Variants in NAV2 observed in about 807,000 individuals in gnomAD.
The protein encoded by NAV2 is neuron navigator 2.
NAV2 carries 54 observed loss-of-function variants against 223.2 expected under a neutral mutation model. The ratio of observed to expected loss-of-function variants is 0.24; its 90% CI spans 0.19 to 0.30. NAV2 has a LOEUF of 0.30. NAV2 is among the 10% of genes least tolerant of loss of function. The pLI is 1.00. For synonymous variants in NAV2, 1,279 were observed against 1,239.3 expected (o/e 1.03, Z -0.67); for missense variants, 2,806 against 3,147.5 (o/e 0.89, Z 2.60).
rs142050180 is a variant in NAV2 at position 19,869,035 on chromosome 11, C to G, written c.511+38C>G. The G allele has an allele frequency of 1.5e-4, 235 of 1,578,572 alleles. No individual in the cohort carries two copies. In the African/African-American group the frequency reaches 2.6e-3, roughly 17 times the overall value. ...GCTTGTCACGAAGCTGCCTCTTCAT[C>G]ATTAGAAATGCCCACCTGTTACTTA... On this transcript the variant is annotated intron_variant, in intron 4 of 37. Transcript: ENST00000349880.
At chr11:19,606,455 G>A (rs1047722429) in intron 1 of NAV2, among the ~76,000 whole-genome samples, 4 of 152,194 alleles carry the variant, frequency 2.6e-5, no homozygotes, top group East Asian at 1.9e-4. Flanking sequence ...AGTGCTCCTC[G>A]CTGACCTCAC....
At chr11:19,547,865 C>G (rs916796273) in intron 1 of NAV2, among the ~76,000 whole-genome samples, 2 of 152,114 alleles carry the variant, frequency 1.3e-5, no homozygotes, top group African/African-American at 4.8e-5. Flanking sequence ...GGTTCCAATT[C>G]CATACTAATT....
In NAV2 at chr11:19,834,170, A is replaced by G. The variant is rs757453087; in HGVS notation, c.385+1569A>G. ...TCTGTCTGCCACATTCCTTTTTCCA[A>G]TTCTTCCTCTTCCTCTTACTCTTCA... On this transcript the variant is annotated intron_variant, in intron 2 of 37. Coordinates refer to ENST00000349880, the MANE Select transcript of NAV2 (RefSeq NM_145117.5). 2.0e-5 allele frequency among the ~76,000 whole-genome samples: 3 copies of G among 152,110 alleles called. No homozygotes were observed. The East Asian group carries it at 5.8e-4, about 29-fold the overall frequency.
chr11:19,712,879 G>C lies in NAV2; in HGVS notation c.-817G>C, dbSNP rs1032607281. Among the ~76,000 whole-genome samples, 28 of 151,050 alleles carry C rather than the reference G, an allele frequency of 1.9e-4. No individual in the cohort carries two copies. The highest frequency in any genetic ancestry group is 3.8e-4 in the Non-Finnish European group (26 of 67,738). ...GCCCCGCAGCCAGCGCAGCCTTCCC[G>C]GGAAGCGCGGCGGCCGCTCCCGAGC... On this transcript the variant is annotated 5_prime_UTR_variant, in exon 1 of 38. Transcript: ENST00000349880.
Position 19,478,273 on chromosome 11 carries a change from G to GC in NAV2, c.75+127247dup, listed in dbSNP as rs143260063. On this transcript the variant is annotated intron_variant, in intron 1 of 37. Coordinates refer to the NAV2 transcript ENST00000360655. The stretch of plus-strand genomic sequence containing the variant: ...GGGCGGAGAAAATTGCACAAGCAAA[G>GC]CTCTACATCAGCAAAGTGAAGGGGA... 9.4e-3 allele frequency among the ~76,000 whole-genome samples: 1,436 copies of GC among 152,224 alleles called. 16 individuals carry two copies. The highest frequency in any genetic ancestry group is 0.031 in the African/African-American group (1,303 of 41,518).
intron 24 of NAV2, 41 bp from the exon 25 acceptor site, chr11:20,080,014 GAATAGGGCT>G (rs2059992429): frequency 6.2e-7 from 1 of 1,601,314 alleles, no homozygotes; most frequent in African/African-American, 1.3e-5. Flanking sequence ...CTGAGATAAA[GAATAGGGCT>G]CAGGTTGGCA....
intron 1 of NAV2, among the ~76,000 whole-genome samples, chr11:19,732,619 C>T (rs1187648831): frequency 1.3e-5 from 2 of 152,160 alleles, no homozygotes; most frequent in Admixed American, 1.3e-4. Context: ...AGAATATACC[C>T]CTGGCTTCTT....
intron 10 of NAV2, among the ~76,000 whole-genome samples, chr11:19,969,090 C>T (rs937142495): frequency 3.3e-5 from 5 of 152,332 alleles, no homozygotes; most frequent in African/African-American, 1.2e-4. Flanking sequence ...TGTGAACACA[C>T]CTGTGGTACT....
chr11:19,751,357 TAGGAGAAAGC>T (rs2053799417), intron 1 of NAV2, among the ~76,000 whole-genome samples: 1 of 151,984 alleles, frequency 6.6e-6, no homozygotes, highest in Non-Finnish European at 1.5e-5. Context: ...AGATGATGAG[TAGGAGAAAGC>T]AGCTGCCAGG....
At chr11:20,062,851 C>A (rs879114381) in intron 20 of NAV2, among the ~76,000 whole-genome samples, 1 of 152,100 alleles carries the variant, frequency 6.6e-6, no homozygotes, top group Non-Finnish European at 1.5e-5. Context: ...TGTGCCACCA[C>A]GCCCAGCTAA....
chr11:19,419,931 A>G (rs1177325676), intron 1 of NAV2, among the ~76,000 whole-genome samples: 1 of 152,164 alleles, frequency 6.6e-6, no homozygotes, highest in African/African-American at 2.4e-5. Context: ...TGAGGGTGAG[A>G]TGAACGAATG....
chr11:20,106,181 GTGTATATATATATATATATA>G (rs1565089171), intron 35 of NAV2, among the ~76,000 whole-genome samples: 1 of 14,898 alleles, frequency 6.7e-5, no homozygotes, highest in African/African-American at 1.5e-4. Flanking sequence ...ATATATGTGT[GTGTATATATATATATATATA>G]TATATATATA....
At chr11:19,808,857 A>G (rs929823466) in intron 1 of NAV2, among the ~76,000 whole-genome samples, 15 of 152,176 alleles carry the variant, frequency 9.9e-5, no homozygotes, top group African/African-American at 3.6e-4. Context: ...TGTTCTTAGG[A>G]TCTGATGTTT....
In NAV2 at chr11:19,938,403, C is replaced by T. The variant is rs1050150976; in HGVS notation, c.2034-1258C>T. ...AGTGGGCCTGTGGCAGAGGGAGCCA[C>T]GCCTCTTTAGAGGGTGCAGCCACCA... On this transcript the variant is annotated intron_variant, in intron 7 of 37. Transcript: ENST00000349880. Among the ~76,000 whole-genome samples, 5 of 152,144 alleles carry T rather than the reference C, an allele frequency of 3.3e-5. No individual in the cohort carries two copies. The East Asian group carries it at 7.7e-4, about 24-fold the overall frequency.
Position 19,933,030 on chromosome 11 carries a change from A to G in NAV2, c.932-146A>G. On this transcript the variant is annotated intron_variant, in intron 6 of 37. Transcript: ENST00000349880. The surrounding 1 kb of genome is among the most constrained non-coding windows in gnomAD (Gnocchi z 4.3). ...GAAGTCAAGCCAGAAATTAAAACCT[A>G]ACCACAGATAATCCACAAAGTGGGC... 3 of 1,003,622 alleles carry G rather than the reference A, an allele frequency of 3.0e-6. No individual in the cohort carries two copies. In the South Asian group the frequency reaches 8.8e-5, roughly 29 times the overall value. The allele number at this position is 1,003,622 out of a possible 1,614,324, so 62.2% of individuals were successfully genotyped here.
chr11:19,724,602 TAA>T (rs2051076569), intron 1 of NAV2, among the ~76,000 whole-genome samples: 1 of 152,244 alleles, frequency 6.6e-6, no homozygotes, highest in African/African-American at 2.4e-5. Context: ...GTGGATGGTA[TAA>T]GTGTGGCAAT....
intron 1 of NAV2, among the ~76,000 whole-genome samples, chr11:19,751,551 G>A (rs558878655): frequency 3.3e-5 from 5 of 152,240 alleles, no homozygotes; most frequent in East Asian, 3.9e-4. Context: ...ACTCAGGGCC[G>A]TTATTGTTGT....
chr11:19,882,763 A>G (rs947121360), intron 5 of NAV2, among the ~76,000 whole-genome samples: 11 of 152,334 alleles, frequency 7.2e-5, no homozygotes, highest in Admixed American at 3.9e-4. Flanking sequence ...TTCCAGCTAC[A>G]AAGTGTCCTG....
intron 1 of NAV2, among the ~76,000 whole-genome samples, chr11:19,406,642 C>G (rs193199684): frequency 1.1e-3 from 164 of 152,232 alleles, no homozygotes; most frequent in Non-Finnish European, 1.7e-3. Context: ...CCTCATCCAG[C>G]CTTCTTTTTT....
Sources: allele counts gnomAD v4.1 joint callset (sites outside exome capture counted in the v4.1 genomes callset), GRCh38; gene constraint gnomAD v4.1.1; non-coding constraint Gnocchi (gnomAD v3.1); transcripts MANE v1.5; gene names NCBI Gene and HGNC (gene_info 2026-07-23, HGNC 2026-07-21).